Variants in ITSN1 observed in about 807,000 individuals in gnomAD.
The protein encoded by ITSN1 is intersectin-1.
Under a neutral mutation model 239.8 loss-of-function variants are expected in ITSN1, and 58 were observed. That is an observed-to-expected ratio of 0.24 (90% CI 0.20 to 0.30). The LOEUF is 0.30. Ranked by LOEUF, ITSN1 falls within the 10% of genes least tolerant of loss-of-function variation. ITSN1 has a pLI of 1.00. For missense variants in ITSN1, 1,558 were observed against 2,103.3 expected, an observed-to-expected ratio of 0.74 and a Z score of 5.07; for synonymous variants, 780 against 770.8, an observed-to-expected ratio of 1.01 and a Z score of -0.20.
intron 1 of ITSN1, among the ~76,000 whole-genome samples, chr21:33,683,390 G>A (rs191781066): frequency 2.0e-5 from 3 of 152,294 alleles, no homozygotes; most frequent in Admixed American, 1.3e-4. Flanking sequence ...TCCATTGAGG[G>A]CCCTGTTTAT....
At chr21:33,646,247 G>A (rs1270829842) in intron 1 of ITSN1, among the ~76,000 whole-genome samples, 5 of 152,182 alleles carry the variant, frequency 3.3e-5, no homozygotes, top group Admixed American at 6.5e-5. Flanking sequence ...CAGGCGTAGT[G>A]TGCTCAAGGT....
At chr21:33,807,320 G>T (rs773209944) in intron 20 of ITSN1, among the ~76,000 whole-genome samples, 3 of 152,110 alleles carry the variant, frequency 2.0e-5, no homozygotes, top group Non-Finnish European at 4.4e-5. Flanking sequence ...GGAGGGGGAG[G>T]ACATTTCCCC....
chr21:33,675,160 G>A (rs562075148), intron 1 of ITSN1, among the ~76,000 whole-genome samples: 5 of 152,090 alleles, frequency 3.3e-5, no homozygotes, highest in South Asian at 2.1e-4. Context: ...TTTTTTAGGC[G>A]CAGAGTATCT....
At chr21:33,816,963 A>G (rs960670976) in intron 22 of ITSN1, among the ~76,000 whole-genome samples, 1 of 152,200 alleles carries the variant, frequency 6.6e-6, no homozygotes, top group South Asian at 2.1e-4. Flanking sequence ...GAGGTTATCA[A>G]CATAGATGCT....
chr21:33,713,701 T>A (rs1168320408), intron 1 of ITSN1, among the ~76,000 whole-genome samples: 2 of 152,140 alleles, frequency 1.3e-5, no homozygotes, highest in Non-Finnish European at 2.9e-5. Context: ...GATTGAAAGA[T>A]GTTGCTTCAT....
At chr21:33,778,109 A>C (rs2069798812) in intron 14 of ITSN1, among the ~76,000 whole-genome samples, 2 of 152,174 alleles carry the variant, frequency 1.3e-5, no homozygotes, top group Admixed American at 6.5e-5. Flanking sequence ...TCAGCCTTCC[A>C]TTCTTGGGAT....
At chr21:33,840,426 T>A (rs2074782730) in intron 29 of ITSN1, among the ~76,000 whole-genome samples, 1 of 152,068 alleles carries the variant, frequency 6.6e-6, no homozygotes, top group South Asian at 2.1e-4. Context: ...TGCAGTGTCG[T>A]GATCTCGGCT....
At chr21:33,820,261 G>A (rs942122361) in intron 24 of ITSN1, among the ~76,000 whole-genome samples, 1 of 152,076 alleles carries the variant, frequency 6.6e-6, no homozygotes, top group Non-Finnish European at 1.5e-5. Flanking sequence ...GGTAATTCAG[G>A]CCCTCATGGT....
intron 5 of ITSN1, among the ~76,000 whole-genome samples, chr21:33,738,420 G>A (rs1238514013): frequency 2.0e-5 from 3 of 152,130 alleles, no homozygotes; most frequent in South Asian, 4.2e-4. Context: ...ATCTAAAGGC[G>A]AGATGGAGTC....
At chr21:33,709,387 C>T (rs2092346900) in intron 1 of ITSN1, among the ~76,000 whole-genome samples, 1 of 152,160 alleles carries the variant, frequency 6.6e-6, no homozygotes. Flanking sequence ...GTTGCCCAGG[C>T]TGGGCCTCCC....
chr21:33,863,330 T>C (rs1414849771), intron 31 of ITSN1, among the ~76,000 whole-genome samples: 1 of 152,194 alleles, frequency 6.6e-6, no homozygotes, highest in African/African-American at 2.4e-5. Flanking sequence ...TTTCTTTTCT[T>C]CTTGTCTCCT....
At chr21:33,743,553 G>A (rs1344308257) in intron 5 of ITSN1, among the ~76,000 whole-genome samples, 2 of 152,066 alleles carry the variant, frequency 1.3e-5, no homozygotes, top group African/African-American at 4.8e-5. Flanking sequence ...TGAATGTATG[G>A]GCAGCAGGAG....
intron 11 of ITSN1, among the ~76,000 whole-genome samples, chr21:33,769,663 C>G (rs1276482376): frequency 6.6e-6 from 1 of 151,458 alleles, no homozygotes; most frequent in African/African-American, 2.4e-5. Context: ...GGAGACAGAT[C>G]TCTCCTCTCT....
At chr21:33,888,003 G>A (rs1246860218) in intron 39 of ITSN1, 149 bp from the exon 40 acceptor site, 7 of 699,808 alleles carry the variant, frequency 1.0e-5, no homozygotes, top group Middle Eastern at 7.6e-4. Flanking sequence ...GCTGGGGAGC[G>A]AGTTGGAAAT....
At chr21:33,655,043 CGTT>C (rs916236062) in intron 1 of ITSN1, among the ~76,000 whole-genome samples, 1 of 151,656 alleles carries the variant, frequency 6.6e-6, no homozygotes, top group Non-Finnish European at 1.5e-5. Flanking sequence ...TGTCTAGGGA[CGTT>C]GTGAATTTGT....
In ITSN1 at chr21:33,825,745, G is replaced by T. The variant is rs549759282; in HGVS notation, c.3184-1073G>T. On this transcript the variant is annotated intron_variant, in intron 25 of 39. Transcript: ENST00000381318. ...TCATTGGTATTCCTTTTTTTGATATGCAGCCTATTGAAAAATAGTGAGAGA... is the reference window on the plus strand; with the variant it reads ...TCATTGGTATTCCTTTTTTTGATATTCAGCCTATTGAAAAATAGTGAGAGA... 2.0e-5 allele frequency among the ~76,000 whole-genome samples: 3 copies of T among 152,198 alleles called. No individual in the cohort carries two copies. The South Asian group carries it at 6.2e-4, about 32-fold the overall frequency.
intron 39 of ITSN1, 97 bp downstream of exon 39, chr21:33,886,557 T>C: frequency 3.6e-6 from 4 of 1,123,316 alleles, no homozygotes; most frequent in Non-Finnish European, 5.0e-6. Context: ...CCAGGATTCC[T>C]TCGGTTTCCC....
intron 1 of ITSN1, among the ~76,000 whole-genome samples, chr21:33,667,609 T>C (rs2090007606): frequency 6.6e-6 from 1 of 152,180 alleles, no homozygotes; most frequent in Admixed American, 6.5e-5. Flanking sequence ...TTTTGAACTT[T>C]CTAATCCAGC....
chr21:33,778,449 C>T (rs1421355852), intron 14 of ITSN1, among the ~76,000 whole-genome samples: 2 of 151,832 alleles, frequency 1.3e-5, no homozygotes, highest in Non-Finnish European at 2.9e-5. Context: ...ATTCATTATG[C>T]AGATATAGGG....
Sources: gnomAD v4.1 joint callset for allele counts (sites outside exome capture counted in the v4.1 genomes callset) on GRCh38, gnomAD v4.1.1 for gene constraint, MANE v1.5 for transcripts, NCBI Gene and HGNC (gene_info 2026-07-23, HGNC 2026-07-21) for gene names.